The following OPHN1 variants were observed in gnomAD, a reference collection of about 807,000 sequenced individuals.
The protein encoded by OPHN1 is oligophrenin-1.
OPHN1 carries 11 observed loss-of-function variants against 60.7 expected under a neutral mutation model. That is an observed-to-expected ratio of 0.18 (90% CI 0.11 to 0.30). OPHN1 has a LOEUF of 0.30. Ranked by LOEUF, OPHN1 falls within the 10% of genes least tolerant of loss-of-function variation. The pLI, the probability that OPHN1 is intolerant of heterozygous loss-of-function variation, is 1.00. For missense variants in OPHN1, 449 were observed against 611.0 expected (o/e 0.73, Z 2.80); for synonymous variants, 226 against 222.6 (o/e 1.02, Z -0.14).
chrX:68,164,034 T>C (rs1331093487), intron 15 of OPHN1, among the ~76,000 whole-genome samples: 1 of 111,946 alleles, frequency 8.9e-6, no homozygotes, highest in Non-Finnish European at 1.9e-5. Flanking sequence ...ATTTTCCATA[T>C]AAAATGTCAT....
chrX:68,287,591 T>C (rs2078051050), intron 3 of OPHN1, among the ~76,000 whole-genome samples: 2 of 111,853 alleles, frequency 1.8e-5, no homozygotes, highest in Non-Finnish European at 1.9e-5. Flanking sequence ...TTCTCAAATT[T>C]TGAGTAACTT....
rs568071461 is a variant in OPHN1, at chrX:68,261,738, C to G, written c.384+13000G>C. 2.7e-5 allele frequency among the ~76,000 whole-genome samples: 3 copies of G among 111,233 alleles called. No individual in the cohort carries two copies. In the East Asian group the frequency reaches 8.5e-4, roughly 31 times the overall value. ...AATCATCCTTCATCTATCGTTGGCTCCAGAAATTAACTCTTACATTAACCC... is the reference window on the plus strand; with the variant it reads ...AATCATCCTTCATCTATCGTTGGCTGCAGAAATTAACTCTTACATTAACCC... On this transcript the variant is annotated intron_variant, in intron 5 of 24. Transcript: ENST00000355520.
chrX:68,226,142 G>C (rs1010858087), intron 6 of OPHN1, among the ~76,000 whole-genome samples: 1 of 111,469 alleles, frequency 9.0e-6, no homozygotes, highest in African/African-American at 3.3e-5. Flanking sequence ...GATGGAAGAT[G>C]AAATGAATGA....
At chrX:68,288,948 G>A (rs2078057976) in intron 3 of OPHN1, among the ~76,000 whole-genome samples, 1 of 111,184 alleles carries the variant, frequency 9.0e-6, no homozygotes, top group Admixed American at 9.6e-5. Flanking sequence ...AGACGGCTCT[G>A]TAGAATTAAT....
chrX:68,078,433 T>A (rs1397827729), intron 19 of OPHN1, among the ~76,000 whole-genome samples: 1 of 112,084 alleles, frequency 8.9e-6, no homozygotes, highest in Non-Finnish European at 1.9e-5. Flanking sequence ...AAAAACGTTT[T>A]GAAAACATTG....
At chrX:68,193,756 T>A (rs941632449) in intron 14 of OPHN1, 134 bp downstream of exon 14, 2 of 543,646 alleles carry the variant, frequency 3.7e-6, no homozygotes, top group Non-Finnish European at 6.3e-6. Context: ...TTTTCTGAAA[T>A]TTTCTAGCTT....
At chrX:68,180,539 A>G (rs1178254490) in intron 15 of OPHN1, among the ~76,000 whole-genome samples, 2 of 111,663 alleles carry the variant, frequency 1.8e-5, no homozygotes, top group African/African-American at 6.5e-5. Flanking sequence ...TAATTACTTA[A>G]TAAATGGAGA....
intron 20 of OPHN1, among the ~76,000 whole-genome samples, chrX:68,065,650 G>C (rs1304202394): frequency 9.0e-6 from 1 of 111,646 alleles, no homozygotes; most frequent in Non-Finnish European, 1.9e-5. Context: ...TATTCTCTCT[G>C]TACCTCAAAT....
chrX:68,250,118 C>T (rs1369755537), intron 5 of OPHN1, among the ~76,000 whole-genome samples: 6 of 112,074 alleles, frequency 5.4e-5, no homozygotes, highest in Non-Finnish European at 5.6e-5. Flanking sequence ...AGGGAAATTG[C>T]CTCATTGCTC....
At position 68,079,834 on chromosome X, in the gene OPHN1, C is replaced by T. The variant is rs561651733; in HGVS notation, c.1687-6535G>A. Among the ~76,000 whole-genome samples the T allele has an allele frequency of 1.5e-4, 17 of 111,918 alleles. No homozygotes were observed. In the South Asian group the frequency reaches 5.6e-3, roughly 37 times the overall value. On this transcript the variant is annotated intron_variant, in intron 19 of 24. Coordinates refer to ENST00000355520, the MANE Select transcript of OPHN1 (RefSeq NM_002547.3). ...CCAATGTCCAAGCCACAAATCTGGA[C>T]ATTATTATCTTAAAATCCTCCCCCT...
intron 5 of OPHN1, among the ~76,000 whole-genome samples, chrX:68,237,504 T>C (rs777354318): frequency 5.4e-5 from 6 of 111,957 alleles, no homozygotes; most frequent in African/African-American, 1.6e-4. Context: ...TGTCTTTCTA[T>C]TGATTTAGGG....
At chrX:68,277,796 C>CAAAT (rs1022093039) in intron 4 of OPHN1, among the ~76,000 whole-genome samples, 10 of 111,543 alleles carry the variant, frequency 9.0e-5, no homozygotes, top group South Asian at 3.8e-4. Context: ...GTCTCAAAAA[C>CAAAT]AAATAAATAA....
At chrX:68,356,877 T>A (rs2078443625) in intron 2 of OPHN1, among the ~76,000 whole-genome samples, 1 of 111,457 alleles carries the variant, frequency 9.0e-6, no homozygotes, top group African/African-American at 3.3e-5. Context: ...AAGAAGCCAG[T>A]CACGAAAAAC....
At chrX:68,197,084 C>G in intron 12 of OPHN1, 102 bp downstream of exon 12, 1 of 607,767 alleles carries the variant, frequency 1.6e-6, no homozygotes, top group Non-Finnish European at 2.8e-6. Flanking sequence ...TGAGACTAAA[C>G]AATCCATTAC....
intron 5 of OPHN1, among the ~76,000 whole-genome samples, chrX:68,267,845 A>G (rs765423191): frequency 8.9e-6 from 1 of 111,818 alleles, no homozygotes; most frequent in Admixed American, 9.5e-5. Flanking sequence ...AAAATGATAA[A>G]GGGGATATCA....
In OPHN1 at chrX:68,075,543, A is replaced by G. The variant is rs1286178115; in HGVS notation, c.1687-2244T>C. On this transcript the variant is annotated intron_variant, in intron 19 of 24. Transcript: ENST00000355520. ...CCTAGAATAGCCAAAACAATCTTGAAAAAGAAAAACAAAGTTGGAAAGCTA... is the reference window on the plus strand; with the variant it reads ...CCTAGAATAGCCAAAACAATCTTGAGAAAGAAAAACAAAGTTGGAAAGCTA... 5.4e-5 allele frequency among the ~76,000 whole-genome samples: 6 copies of G among 111,015 alleles called. No individual in the cohort carries two copies. The Admixed American group carries it at 5.8e-4, about 11-fold the overall frequency.
At chrX:68,355,689 C>A (rs190597505) in intron 2 of OPHN1, among the ~76,000 whole-genome samples, 7 of 111,723 alleles carry the variant, frequency 6.3e-5, no homozygotes, top group Non-Finnish European at 1.1e-4. Context: ...ATTGCATATG[C>A]TTCCAAGAAA....
chrX:68,071,697 T>C, intron 20 of OPHN1: 2 of 521,040 alleles, frequency 3.8e-6, no homozygotes, highest in Non-Finnish European at 3.5e-6. Context: ...AACATTGAAG[T>C]CCACTCTCAT....
At chrX:68,330,526 T>C (rs943980928) in intron 2 of OPHN1, among the ~76,000 whole-genome samples, 1 of 111,383 alleles carries the variant, frequency 9.0e-6, no homozygotes, top group Non-Finnish European at 1.9e-5. Flanking sequence ...AATCCCAGCA[T>C]GGCAACAAGT....
Sources: gnomAD v4.1 joint callset for allele counts (sites outside exome capture counted in the v4.1 genomes callset) on GRCh38, gnomAD v4.1.1 for gene constraint, MANE v1.5 for transcripts, NCBI Gene and HGNC (gene_info 2026-07-23, HGNC 2026-07-21) for gene names.